The following GPC5 variants were observed in gnomAD, a reference collection of about 807,000 sequenced individuals.
GPC5 encodes the protein glypican-5.
Under a neutral mutation model 53.9 loss-of-function variants are expected in GPC5, and 47 were observed. The observed-to-expected ratio is 0.87, with a 90% CI of 0.69 to 1.11. The LOEUF (loss-of-function observed/expected upper bound fraction) is 1.11. Ranked by LOEUF, GPC5 falls within the 50% of genes most tolerant of loss-of-function variation. The pLI is 0.00. For missense variants in GPC5, 748 were observed against 713.1 expected (o/e 1.05, Z -0.56); for synonymous variants, 286 against 263.3 (o/e 1.09, Z -0.84).
intron 7 of GPC5, among the ~76,000 whole-genome samples, chr13:92,193,284 C>A (rs571258040): frequency 2.0e-5 from 3 of 152,234 alleles, no homozygotes; most frequent in South Asian, 2.1e-4. Context: ...AAAATATTTT[C>A]TTTTTCCAAT....
At chr13:91,506,457 C>T (rs1417858101) in intron 2 of GPC5, among the ~76,000 whole-genome samples, 1 of 151,996 alleles carries the variant, frequency 6.6e-6, no homozygotes, top group Non-Finnish European at 1.5e-5. Context: ...GATATTTTAT[C>T]TTGATTGTCT....
At chr13:92,533,546 T>A (rs1040818428) in intron 7 of GPC5, among the ~76,000 whole-genome samples, 1 of 152,180 alleles carries the variant, frequency 6.6e-6, no homozygotes, top group Non-Finnish European at 1.5e-5. Context: ...CATGTTTTTT[T>A]ACATAAGAGT....
chr13:92,347,319 G>C (rs1438301867), intron 7 of GPC5, among the ~76,000 whole-genome samples: 1 of 152,096 alleles, frequency 6.6e-6, no homozygotes, highest in Non-Finnish European at 1.5e-5. Flanking sequence ...CACATACAAA[G>C]AAGTGTCACT....
At chr13:91,875,781 T>A (rs912747184) in intron 5 of GPC5, among the ~76,000 whole-genome samples, 2 of 152,214 alleles carry the variant, frequency 1.3e-5, no homozygotes, top group African/African-American at 2.4e-5. Flanking sequence ...AGGAACTCCA[T>A]GTATTTGTCA....
chr13:92,603,938 C>G (rs1884167245), intron 7 of GPC5, among the ~76,000 whole-genome samples: 1 of 152,156 alleles, frequency 6.6e-6, no homozygotes, highest in Non-Finnish European at 1.5e-5. Context: ...TCACTTTCAA[C>G]TCCCTCCACT....
chr13:92,129,539 A>G (rs2041726787), intron 6 of GPC5, among the ~76,000 whole-genome samples: 1 of 152,260 alleles, frequency 6.6e-6, no homozygotes, highest in Non-Finnish European at 1.5e-5. Context: ...ACAGCTCCAC[A>G]GATTCACAGT....
intron 7 of GPC5, among the ~76,000 whole-genome samples, chr13:92,334,017 A>T (rs966882965): frequency 1.3e-5 from 2 of 152,230 alleles, no homozygotes; most frequent in Non-Finnish European, 2.9e-5. Flanking sequence ...GAGAACATTA[A>T]GCATCATACT....
intron 6 of GPC5, among the ~76,000 whole-genome samples, chr13:92,134,439 G>T (rs963872560): frequency 6.6e-6 from 1 of 152,082 alleles, no homozygotes; most frequent in Non-Finnish European, 1.5e-5. Flanking sequence ...GTGTTAGTTT[G>T]TATTACTTTT....
chr13:91,478,824 C>CATAT (rs36188475), intron 2 of GPC5, among the ~76,000 whole-genome samples: 1 of 77,902 alleles, frequency 1.3e-5, no homozygotes, highest in Non-Finnish European at 2.3e-5. Flanking sequence ...TATATATATA[C>CATAT]ACACACACAC....
intron 5 of GPC5, among the ~76,000 whole-genome samples, chr13:91,900,776 T>A (rs1223816999): frequency 9.9e-5 from 15 of 152,018 alleles, no homozygotes; most frequent in Non-Finnish European, 1.9e-4. Context: ...GGTAGGTAAT[T>A]TTTTTTGAAA....
chr13:91,614,777 C>T (rs548015078), intron 2 of GPC5, among the ~76,000 whole-genome samples: 134 of 152,184 alleles, frequency 8.8e-4, no homozygotes, highest in Non-Finnish European at 1.4e-3. Flanking sequence ...AAGCTTTCAC[C>T]GATGTTTATA....
intron 7 of GPC5, among the ~76,000 whole-genome samples, chr13:92,429,110 A>G (rs1876970176): frequency 1.3e-5 from 2 of 152,126 alleles, no homozygotes; most frequent in South Asian, 2.1e-4. Context: ...GAATTTAAGT[A>G]TATTGTTTTC....
In GPC5 at chr13:92,139,138, C is replaced by T. The variant is rs569531575; in HGVS notation, c.1402-5692C>T. ...TTAAAAACTTAGAAGTCTCCAGGTA[C>T]TCAGGAATAAGGTCATTTTAAATTA... On this transcript the variant is annotated intron_variant, in intron 6 of 7. Transcript: ENST00000377067. Among the ~76,000 whole-genome samples the T allele has an allele frequency of 1.1e-3, 168 of 152,198 alleles. 1 individual carries two copies. Among genetic ancestry groups the T allele is most frequent in the African/African-American group, 3.9e-3 (161 of 41,532 alleles).
chr13:92,256,240 CTCAA>C (rs1220792043), intron 7 of GPC5, among the ~76,000 whole-genome samples: 1 of 151,680 alleles, frequency 6.6e-6, no homozygotes, highest in African/African-American at 2.4e-5. Flanking sequence ...AGATGGTGTC[CTCAA>C]TTGGATGTCG....
rs1175872636 is a variant in GPC5, at chr13:91,627,054, C to T, written c.326-66133C>T. Reference sequence around the variant, plus strand: ...TTTTTTTTTTTTTGAGACGGAGTCTCGCTCTGTCGCCCAGGCGGGACTGCG... The same window carrying T: ...TTTTTTTTTTTTTGAGACGGAGTCTTGCTCTGTCGCCCAGGCGGGACTGCG... On this transcript the variant is annotated intron_variant, in intron 2 of 7. Transcript: ENST00000377067. 5.2e-4 allele frequency among the ~76,000 whole-genome samples: 6 copies of T among 11,600 alleles called. 3 individuals are homozygous for T. Among genetic ancestry groups the T allele is most frequent in the Non-Finnish European group, 6.2e-4 (6 of 9,616 alleles). The allele number at this position is 11,600 out of a possible 152,430, so 7.6% of individuals were successfully genotyped here. A position where few individuals can be genotyped will look rare whatever the true frequency, so the allele number is the denominator to read the frequency against.
intron 1 of GPC5, among the ~76,000 whole-genome samples, chr13:91,423,362 G>C (rs570967207): frequency 4.4e-4 from 67 of 152,048 alleles, no homozygotes; most frequent in African/African-American, 1.5e-3. Flanking sequence ...TGAATTTAAA[G>C]GATTAAAAAA....
intron 7 of GPC5, among the ~76,000 whole-genome samples, chr13:92,320,051 G>A (rs1286492503): frequency 6.6e-6 from 1 of 151,888 alleles, no homozygotes; most frequent in East Asian, 1.9e-4. Flanking sequence ...CTACTTCAAA[G>A]TAATTAATGT....
intron 7 of GPC5, among the ~76,000 whole-genome samples, chr13:92,251,335 GA>G (rs1209184105): frequency 6.6e-6 from 1 of 152,008 alleles, no homozygotes; most frequent in Non-Finnish European, 1.5e-5. Context: ...TTTGCAGTGG[GA>G]AAAATTACCA....
At chr13:92,254,169 A>G (rs1338862070) in intron 7 of GPC5, among the ~76,000 whole-genome samples, 1 of 152,142 alleles carries the variant, frequency 6.6e-6, no homozygotes, top group Non-Finnish European at 1.5e-5. Context: ...TTCCTTCAGT[A>G]TCTAGTAGTT....
Sources: gnomAD v4.1 joint callset for allele counts (sites outside exome capture counted in the v4.1 genomes callset) on GRCh38, gnomAD v4.1.1 for gene constraint, MANE v1.5 for transcripts, NCBI Gene and HGNC (gene_info 2026-07-23, HGNC 2026-07-21) for gene names.